Variants in SEMA3E observed in about 807,000 individuals in gnomAD.
The protein encoded by SEMA3E is semaphorin 3E.
SEMA3E carries 49 observed loss-of-function variants against 93.6 expected under a neutral mutation model. That is an observed-to-expected ratio of 0.52 (90% CI 0.42 to 0.66). The LOEUF (loss-of-function observed/expected upper bound fraction) is 0.66, where lower values mean the gene tolerates loss of function less well. Ranked by LOEUF, SEMA3E falls within the 30% of genes least tolerant of loss-of-function variation. SEMA3E has a pLI of 0.00. For synonymous variants in SEMA3E, 363 were observed against 330.7 expected, an observed-to-expected ratio of 1.10 and a Z score of -1.06; for missense variants, 906 against 964.8, an observed-to-expected ratio of 0.94 and a Z score of 0.81.
chr7:83,469,954 T>A (rs1003108285), intron 2 of SEMA3E, among the ~76,000 whole-genome samples: 5 of 151,736 alleles, frequency 3.3e-5, no homozygotes, highest in African/African-American at 1.2e-4. Flanking sequence ...CCCAGCTAAT[T>A]TTTTTGTATT....
intron 5 of SEMA3E, among the ~76,000 whole-genome samples, chr7:83,412,779 C>CAA (rs1562770818): frequency 7.0e-6 from 1 of 143,268 alleles, no homozygotes; most frequent in African/African-American, 2.6e-5. Context: ...AAAAAAAAAA[C>CAA]ACACAGGATA....
chr7:83,421,249 T>A (rs1788664470), intron 4 of SEMA3E, among the ~76,000 whole-genome samples: 1 of 142,560 alleles, frequency 7.0e-6, no homozygotes, highest in Non-Finnish European at 1.6e-5. Context: ...CATAGAATAA[T>A]GCATAAGTAC....
intron 4 of SEMA3E, among the ~76,000 whole-genome samples, chr7:83,463,290 T>C (rs951278665): frequency 2.0e-5 from 3 of 151,996 alleles, no homozygotes; most frequent in Non-Finnish European, 2.9e-5. Context: ...TGTTTTAGCC[T>C]AGCCATCATG....
intron 2 of SEMA3E, among the ~76,000 whole-genome samples, chr7:83,477,999 C>T (rs1790054631): frequency 2.0e-5 from 3 of 152,008 alleles, no homozygotes; most frequent in African/African-American, 4.8e-5. Flanking sequence ...CGGCTCACTG[C>T]AACCTCCACC....
At chr7:83,601,677 C>T (rs1387264708) in intron 1 of SEMA3E, among the ~76,000 whole-genome samples, 1 of 152,018 alleles carries the variant, frequency 6.6e-6, no homozygotes, top group Non-Finnish European at 1.5e-5. Context: ...TTTCTCTCGT[C>T]ATGTGTACAA....
intron 10 of SEMA3E, among the ~76,000 whole-genome samples, chr7:83,400,982 T>C (rs1386557407): frequency 1.3e-5 from 2 of 152,122 alleles, no homozygotes; most frequent in African/African-American, 4.8e-5. Flanking sequence ...TCACTGACTA[T>C]AGAATTTTAG....
At chr7:83,431,490 C>G (rs894797064) in intron 4 of SEMA3E, among the ~76,000 whole-genome samples, 1 of 152,274 alleles carries the variant, frequency 6.6e-6, no homozygotes, top group African/African-American at 2.4e-5. Context: ...ACTACAACCT[C>G]CCCCTCCCAG....
chr7:83,476,726 G>T (rs1562799189), intron 2 of SEMA3E, among the ~76,000 whole-genome samples: 1 of 152,142 alleles, frequency 6.6e-6, no homozygotes. Context: ...CAGTCAGGAT[G>T]CCTTTTGGTT....
At chr7:83,507,165 G>C in intron 1 of SEMA3E, among the ~76,000 whole-genome samples, 1 of 152,150 alleles carries the variant, frequency 6.6e-6, no homozygotes, top group East Asian at 1.9e-4. Flanking sequence ...CCATCATCTA[G>C]TCAAATATGA....
At chr7:83,417,123 C>T (rs1219104545) in intron 5 of SEMA3E, among the ~76,000 whole-genome samples, 1 of 151,728 alleles carries the variant, frequency 6.6e-6, no homozygotes, top group Non-Finnish European at 1.5e-5. Flanking sequence ...TTTATTCAAG[C>T]CCCTGAAGAA....
chr7:83,372,998 A>G (rs978599423), intron 16 of SEMA3E: 1 of 152,178 alleles, frequency 6.6e-6, no homozygotes, highest in African/African-American at 2.4e-5. Flanking sequence ...TCTGCAGACC[A>G]GATTTTCTCT....
Position 83,637,798 on chromosome 7 carries a change from T to C in SEMA3E, c.115+10630A>G, listed in dbSNP as rs1222903104. Among the ~76,000 whole-genome samples, 17 of 151,486 alleles carry C rather than the reference T, an allele frequency of 1.1e-4. 1 individual carries two copies. Reference sequence around the variant, plus strand: ...CCAGTCTCTGGCAGTTCTTTTTTTTTTTTTTTTTCATTCAAAATATTCTGC... The same window carrying C: ...CCAGTCTCTGGCAGTTCTTTTTTTTCTTTTTTTTCATTCAAAATATTCTGC... On this transcript the variant is annotated intron_variant, in intron 1 of 16. Coordinates refer to ENST00000643230, the MANE Select transcript of SEMA3E (RefSeq NM_012431.3).
At chr7:83,483,425 T>C (rs1339611164) in intron 2 of SEMA3E, among the ~76,000 whole-genome samples, 1 of 151,916 alleles carries the variant, frequency 6.6e-6, no homozygotes, top group Non-Finnish European at 1.5e-5. Flanking sequence ...CATTTTAATA[T>C]CATAATAGCT....
chr7:83,530,566 T>A (rs1791268144), intron 1 of SEMA3E, among the ~76,000 whole-genome samples: 1 of 152,090 alleles, frequency 6.6e-6, no homozygotes, highest in South Asian at 2.1e-4. Context: ...ATTTCCAATA[T>A]ATATTCTTTT....
At chr7:83,410,779 A>C (rs1318879187) in intron 5 of SEMA3E, among the ~76,000 whole-genome samples, 5 of 152,074 alleles carry the variant, frequency 3.3e-5, no homozygotes, top group Non-Finnish European at 7.4e-5. Context: ...AAAAAAATTG[A>C]CTATTAACAC....
At chr7:83,533,247 A>C (rs1387464209) in intron 1 of SEMA3E, among the ~76,000 whole-genome samples, 1 of 152,126 alleles carries the variant, frequency 6.6e-6, no homozygotes, top group Admixed American at 6.6e-5. Context: ...GAATTAAAAC[A>C]AGCAAAACAG....
At chr7:83,499,688 A>G (rs958966845) in intron 1 of SEMA3E, among the ~76,000 whole-genome samples, 2 of 152,182 alleles carry the variant, frequency 1.3e-5, no homozygotes, top group Non-Finnish European at 2.9e-5. Context: ...AAGGTGTTTT[A>G]TTTTAAAAAA....
intron 14 of SEMA3E, among the ~76,000 whole-genome samples, chr7:83,390,382 G>T (rs1300785042): frequency 1.3e-5 from 2 of 151,828 alleles, no homozygotes; most frequent in Non-Finnish European, 2.9e-5. Flanking sequence ...TAGTCTTTTA[G>T]ACATATTTAA....
At position 83,366,613 on chromosome 7, in the gene SEMA3E, TTG is replaced by T. The variant is rs1258795996; in HGVS notation, c.*971_*972del. ...GTGCTGCAAAATCTTCATTTTTGAC[TTG>T]TGAGATAAATTATCTATAAACAATA... On this transcript the variant is annotated 3_prime_UTR_variant, in exon 17 of 17. Transcript: ENST00000643230. 5.3e-5 allele frequency: 8 copies of T among 152,128 alleles called. No individual in the cohort carries two copies. In the South Asian group the frequency reaches 1.4e-3, roughly 28 times the overall value. 9.4% of individuals were successfully genotyped at this position (152,128 alleles called of 1,614,324 possible).
Sources: allele counts gnomAD v4.1 joint callset (sites outside exome capture counted in the v4.1 genomes callset), GRCh38; gene constraint gnomAD v4.1.1; transcripts MANE v1.5; gene names NCBI Gene and HGNC (gene_info 2026-07-23, HGNC 2026-07-21).